Variants in KIFBP observed in about 807,000 individuals in gnomAD.
KIFBP encodes KIF-binding protein.
In KIFBP, 46 loss-of-function variants were observed where a neutral mutation model predicts 58.9. That is an observed-to-expected ratio of 0.78 (90% confidence interval 0.62 to 1.00). The LOEUF (loss-of-function observed/expected upper bound fraction) is 1.00, where lower values mean the gene tolerates loss of function less well. KIFBP is among the 50% of genes least tolerant of loss of function. The pLI is 0.00. For synonymous variants in KIFBP, 241 were observed against 283.4 expected, an observed-to-expected ratio of 0.85 and a Z score of 1.50; for missense variants, 651 against 752.9, an observed-to-expected ratio of 0.86 and a Z score of 1.58.
chr10:68,993,191 C>T (rs548074017), intron 1 of KIFBP, among the ~76,000 whole-genome samples: 16 of 152,300 alleles, frequency 1.1e-4, no homozygotes, highest in African/African-American at 2.6e-4. Flanking sequence ...TCCTGTGGCT[C>T]TGTGTCTTGG....
intron 1 of KIFBP, chr10:68,999,880 C>T (rs915254161): frequency 6.2e-6 from 1 of 160,166 alleles, no homozygotes; most frequent in Admixed American, 6.2e-5. Context: ...CCCGTCTCTA[C>T]TAAAAATACA....
intron 4 of KIFBP, 143 bp downstream of exon 4, chr10:69,006,058 T>C: frequency 1.4e-6 from 1 of 720,790 alleles, no homozygotes; most frequent in Non-Finnish European, 2.3e-6. Flanking sequence ...TGCAGCCCAG[T>C]TTGCCCGTGT....
intron 3 of KIFBP, 91 bp downstream of exon 3, chr10:69,005,216 T>C: frequency 1.0e-6 from 1 of 960,292 alleles, no homozygotes; most frequent in Non-Finnish European, 1.7e-6. Flanking sequence ...GGTTATAGAA[T>C]GTGGATTCTG....
In KIFBP at chr10:69,003,194, C is replaced by T. The variant is rs181504259; in HGVS notation, c.526-1852C>T. Among the ~76,000 whole-genome samples the T allele has an allele frequency of 1.7e-3, 254 of 152,180 alleles. 2 individuals are homozygous for T. Among genetic ancestry groups the T allele is most frequent in the African/African-American group, 5.9e-3 (245 of 41,520 alleles). On this transcript the variant is annotated intron_variant, in intron 2 of 6. Coordinates refer to ENST00000361983, the MANE Select transcript of KIFBP (RefSeq NM_015634.4). ...GACTGATTTGACTGTATTAATATTACGTATGATGTGTGAAAGCCATAACAG... is the reference window on the plus strand; with the variant it reads ...GACTGATTTGACTGTATTAATATTATGTATGATGTGTGAAAGCCATAACAG...
In KIFBP at chr10:69,000,441, G is replaced by A. The variant is rs777712462; in HGVS notation, c.444G>A (p.Leu148=). The change falls in exon 2 of 7, where the codon TTG becomes TTA. Residue 148 remains leucine, a synonymous_variant. Transcript: ENST00000361983. The stretch of plus-strand genomic sequence containing the variant: ...TTTTCCAGAATAACCTGGGTATCTT[G>A]TGGTCTGAAAGAGAAGAAATTGAAA... The part of the protein sequence containing the change: ...CIQAQNNLGI[L]WSEREEIETA... 5.6e-6 allele frequency: 9 copies of A among 1,607,692 alleles called. No individual in the cohort carries two copies. Among genetic ancestry groups the A allele is most frequent in the Non-Finnish European group, 7.7e-6 (9 of 1,174,518 alleles).
At chr10:68,997,782 C>T (rs926664760) in intron 1 of KIFBP, among the ~76,000 whole-genome samples, 8 of 152,246 alleles carry the variant, frequency 5.3e-5, no homozygotes, top group African/African-American at 1.9e-4. Flanking sequence ...TTGACCATGA[C>T]ACCAGTAAGC....
chr10:69,016,483 A>G lies in KIFBP; in HGVS notation c.*67A>G. The G allele has an allele frequency of 6.6e-7, 1 of 1,518,118 alleles. No homozygotes were observed. 94.0% of individuals were successfully genotyped at this position (1,518,118 alleles called of 1,614,324 possible). On this transcript the variant is annotated 3_prime_UTR_variant, in exon 7 of 7. Coordinates refer to ENST00000361983, the MANE Select transcript of KIFBP (RefSeq NM_015634.4). ...TCTTTTTCCCTAGTCAGACAGGCCC[A>G]ATTCCATTGTGATGTTTACCTTTAT...
At position 68,989,258 on chromosome 10, in the gene KIFBP, G is replaced by C. The variant is rs1843314739; in HGVS notation, c.426G>C (p.Gln142His). ...GCATCTCTCTCTGCATCCAGGCGCA[G>C]GTGAGAGCGAGCCCGGCCAGGCCGG... ...HDCISLCIQA[Q>H]NNLGILWSER... Residue 142 changes from glutamine to histidine, a missense_variant and splice_region_variant, in exon 1 of 7, where the codon CAG becomes CAC. By Grantham distance (24) the Gln-to-His change is conservative. Coordinates refer to ENST00000361983, the MANE Select transcript of KIFBP (RefSeq NM_015634.4). 2 of 1,612,782 alleles carry C rather than the reference G, an allele frequency of 1.2e-6. No individual in the cohort carries two copies. The highest frequency in any genetic ancestry group is 8.5e-7 in the Non-Finnish European group (1 of 1,179,802).
chr10:69,004,952 C>A, intron 2 of KIFBP, 94 bp from the exon 3 acceptor site: 1 of 802,114 alleles, frequency 1.2e-6, no homozygotes, highest in Non-Finnish European at 2.2e-6. Flanking sequence ...ATGTATTTGG[C>A]TTGTAGAAGT....
chr10:69,005,504 C>T (rs562011216), intron 3 of KIFBP, among the ~76,000 whole-genome samples: 7 of 151,748 alleles, frequency 4.6e-5, no homozygotes, highest in South Asian at 2.1e-4. Context: ...GGTGAAACCC[C>T]GTCTCTACCA....
chr10:69,006,861 A>G (rs1020374787), intron 4 of KIFBP: 1 of 152,224 alleles, frequency 6.6e-6, no homozygotes, highest in Admixed American at 6.5e-5. Flanking sequence ...CAGAAAAGCT[A>G]TTAGCAGGAG....
chr10:69,008,391 A>AAAAAAAATATATAT, intron 4 of KIFBP, among the ~76,000 whole-genome samples: 1 of 71,612 alleles, frequency 1.4e-5, no homozygotes, highest in Non-Finnish European at 2.4e-5. Context: ...AAAAAAAAAA[A>AAAAAAAATATATAT]ATATATATAT....
Position 68,988,876 on chromosome 10 carries a change from C to G in KIFBP, c.44C>G (p.Ala15Gly), listed in dbSNP as rs777015827. 1.2e-6 allele frequency: 2 copies of G among 1,614,126 alleles called. No individual in the cohort carries two copies. The highest frequency in any genetic ancestry group is 1.7e-5 in the Admixed American group (1 of 60,012). The part of the protein sequence containing the change: ...PWAEVCEKFQ[A>G]ALALSRVELH... ...GCAGAGGTCTGCGAGAAATTCCAGG[C>G]GGCGCTCGCTCTGTCGCGGGTGGAA... The change falls in exon 1 of 7, where the codon GCG (alanine) becomes GGG (glycine). Residue 15 changes from alanine (A) to glycine (G), a missense_variant. By Grantham distance (60) the Ala-to-Gly change is moderately conservative. Transcript: ENST00000361983.
intron 6 of KIFBP, 124 bp from the exon 7 acceptor site, chr10:69,015,417 C>A (rs1261376224): frequency 3.4e-6 from 3 of 877,688 alleles, no homozygotes; most frequent in Admixed American, 5.2e-5. Flanking sequence ...TTATGATACC[C>A]TTCTAAACCA....
At chr10:68,995,009 A>G (rs931106998) in intron 1 of KIFBP, among the ~76,000 whole-genome samples, 1 of 151,690 alleles carries the variant, frequency 6.6e-6, no homozygotes, top group African/African-American at 2.4e-5. Flanking sequence ...AATAGCTGGG[A>G]CTATGTAGAA....
At chr10:68,996,709 C>A (rs189344601) in intron 1 of KIFBP, among the ~76,000 whole-genome samples, 4 of 150,268 alleles carry the variant, frequency 2.7e-5, no homozygotes, top group African/African-American at 9.8e-5. Context: ...AAAAATTAGC[C>A]GGGCATGGTG....
At chr10:68,989,421 C>T in intron 1 of KIFBP, 163 bp downstream of exon 1, 1 of 770,938 alleles carries the variant, frequency 1.3e-6, no homozygotes, top group South Asian at 1.6e-5. Flanking sequence ...TCAAAAAAGC[C>T]AGTCTTATGG....
chr10:68,991,480 T>C (rs1482778539), intron 1 of KIFBP: 2 of 383,132 alleles, frequency 5.2e-6, no homozygotes, highest in South Asian at 2.3e-5. Flanking sequence ...AGGATGTCGA[T>C]GTCTCCGAAC....
intron 5 of KIFBP, 73 bp downstream of exon 5, chr10:69,008,998 A>C: frequency 7.8e-7 from 1 of 1,287,852 alleles, no homozygotes; most frequent in South Asian, 1.2e-5. Flanking sequence ...AAACTTTTGA[A>C]AAGTTGCAAG....
Sources: gnomAD v4.1 joint callset for allele counts (sites outside exome capture counted in the v4.1 genomes callset) on GRCh38, gnomAD v4.1.1 for gene constraint, MANE v1.5 for transcripts, NCBI Gene and HGNC (gene_info 2026-07-23, HGNC 2026-07-21) for gene names.